The following MEGF6 variants were observed in gnomAD, a reference collection of about 807,000 sequenced individuals.
MEGF6 encodes the protein multiple epidermal growth factor-like domains protein 6.
In MEGF6, 184 loss-of-function variants were observed where a neutral mutation model predicts 207.1. That is an observed-to-expected ratio of 0.89 (90% CI 0.79 to 1.00). The LOEUF is 1.00. Ranked by LOEUF, MEGF6 falls within the 50% of genes least tolerant of loss-of-function variation. The probability of loss-of-function intolerance (pLI) is 0.00; values close to 1 mark genes in which losing one functional copy is unlikely to be tolerated. For synonymous variants in MEGF6, 1,038 were observed against 910.0 expected (o/e 1.14, Z -2.53); for missense variants, 2,282 against 2,202.9 (o/e 1.04, Z -0.72).
chr1:3,578,852 G>C (rs2794343), intron 4 of MEGF6, among the ~76,000 whole-genome samples: 1 of 49,682 alleles, frequency 2.0e-5, no homozygotes, highest in Non-Finnish European at 6.2e-5. Context: ...AGCTCAGAAC[G>C]CTGGGGAGAC....
At chr1:3,586,833 C>T (rs75939298) in intron 3 of MEGF6, among the ~76,000 whole-genome samples, 2,297 of 152,262 alleles carry the variant, frequency 0.015, 58 homozygotes, top group South Asian at 0.096. Flanking sequence ...CTGCCGGGCC[C>T]GCCGGCCTGA....
chr1:3,600,866 G>A (rs532828140), intron 2 of MEGF6, among the ~76,000 whole-genome samples: 1 of 152,314 alleles, frequency 6.6e-6, no homozygotes, highest in East Asian at 1.9e-4. Context: ...AGGAGCGGGG[G>A]CCAGGTGAGA....
intron 4 of MEGF6, among the ~76,000 whole-genome samples, chr1:3,553,232 G>A (rs747997978): frequency 2.0e-5 from 3 of 148,706 alleles, no homozygotes; most frequent in Non-Finnish European, 3.0e-5. Context: ...ATCCACGGCC[G>A]ATCGGCTTTC....
At chr1:3,561,879 T>C (rs924007543) in intron 4 of MEGF6, among the ~76,000 whole-genome samples, 6 of 152,242 alleles carry the variant, frequency 3.9e-5, no homozygotes, top group African/African-American at 1.2e-4. Context: ...GGGCTTTTCG[T>C]TCCCATTTGT....
intron 17 of MEGF6, among the ~76,000 whole-genome samples, chr1:3,502,174 G>C: frequency 1.6e-5 from 1 of 63,222 alleles, no homozygotes; most frequent in South Asian, 4.7e-4. Context: ...GGCCAGGCAG[G>C]TCACAGGAAC....
In MEGF6 at chr1:3,573,043, T is replaced by C. The variant is rs140638662; in HGVS notation, c.481+6782A>G. ...GTTCTCCTGGGTATGCTGAGTTCTC[T>C]TGGGTGTGCTGGGTCCTCCCTGGTG... On this transcript the variant is annotated intron_variant, in intron 4 of 36. Transcript: ENST00000356575. This position sits in a 1 kb window ranked among gnomAD's most constrained non-coding sequence, Gnocchi z 5.1. Among the ~76,000 whole-genome samples the C allele has an allele frequency of 5.3e-3, 731 of 137,440 alleles. 1 individual carries two copies. Among genetic ancestry groups the C allele is most frequent in the Non-Finnish European group, 7.2e-3 (456 of 63,526 alleles). The allele number at this position is 137,440 out of a possible 152,430, so 90.2% of individuals were successfully genotyped here.
intron 5 of MEGF6, among the ~76,000 whole-genome samples, 162 bp downstream of exon 5, chr1:3,523,962 C>T (rs1427138120): frequency 1.3e-5 from 2 of 152,202 alleles, no homozygotes; most frequent in African/African-American, 4.8e-5. Context: ...AAGGTGCGGG[C>T]AGGATTCCAT....
At chr1:3,528,319 C>A (rs1402254225) in intron 4 of MEGF6, among the ~76,000 whole-genome samples, 1 of 152,242 alleles carries the variant, frequency 6.6e-6, no homozygotes, top group Non-Finnish European at 1.5e-5. Flanking sequence ...ACTCCCAAGG[C>A]ACCCCACGTG....
chr1:3,511,680 C>G lies in MEGF6; in HGVS notation c.984G>C (p.Glu328Asp), dbSNP rs942840851. The change falls in exon 9 of 37, where the codon GAG becomes GAC. Residue 328 changes from glutamate (E) to aspartate (D), a missense_variant. Physicochemically the swap from Glu to Asp is conservative, Grantham distance 45. Coordinates refer to ENST00000356575, the MANE Select transcript of MEGF6 (RefSeq NM_001409.4). ...CCTCACAGCTGTTCACGATTTCCAT[C>G]TCAATCCCTGCCGTGAGACCAGCCA... ...GADGRQCYRI[E>D]MEIVNSCEAN... 1 of 1,606,396 alleles carries G rather than the reference C, an allele frequency of 6.2e-7. No homozygotes were observed. The highest frequency in any genetic ancestry group is 8.5e-7 in the Non-Finnish European group (1 of 1,174,560).
chr1:3,551,647 A>G (rs1570120375), intron 4 of MEGF6, among the ~76,000 whole-genome samples: 1 of 152,214 alleles, frequency 6.6e-6, no homozygotes, highest in East Asian at 1.9e-4. Flanking sequence ...CCACAGCCAC[A>G]GGGGACAGGA....
chr1:3,579,765 C>T (rs567012180), intron 4 of MEGF6, 60 bp downstream of exon 4: 100 of 1,267,964 alleles, frequency 7.9e-5, no homozygotes, highest in South Asian at 2.7e-4. Flanking sequence ...GACACATCCT[C>T]GCCCCTTGCC....
rs1439445960 is a variant in MEGF6, at chr1:3,513,659, T to C, written c.853+891A>G. On this transcript the variant is annotated intron_variant, in intron 7 of 36. Coordinates refer to ENST00000356575, the MANE Select transcript of MEGF6 (RefSeq NM_001409.4). ...AGGCTGGAGTGCAGTGGTGTGATCA[T>C]AGCTCACTGCAGCCTTGACCTCCTG... Among the ~76,000 whole-genome samples the C allele has an allele frequency of 3.6e-5, 5 of 138,940 alleles. No homozygotes were observed. In the South Asian group the frequency reaches 9.9e-4, roughly 28 times the overall value. 91.2% of individuals were successfully genotyped at this position (138,940 alleles called of 152,430 possible).
intron 2 of MEGF6, among the ~76,000 whole-genome samples, chr1:3,599,289 G>A (rs1644122720): frequency 6.6e-6 from 1 of 152,250 alleles, no homozygotes; most frequent in Non-Finnish European, 1.5e-5. Context: ...GAGCTCAGGA[G>A]AGGAGGTGTC....
At chr1:3,612,582 A>T (rs559882954), upstream of MEGF6, among the ~76,000 whole-genome samples, 17 of 152,286 alleles carry the variant, frequency 1.1e-4, no homozygotes, top group African/African-American at 4.1e-4. Flanking sequence ...TTAGCCACAC[A>T]AAGAGCCAGC....
chr1:3,492,353 CA>C (rs1256862593), intron 35 of MEGF6, among the ~76,000 whole-genome samples: 1 of 152,174 alleles, frequency 6.6e-6, no homozygotes, highest in Non-Finnish European at 1.5e-5. Context: ...GTTTGCAGCC[CA>C]CCCTTGCAGC....
chr1:3,517,139 T>C (rs1641572118), intron 5 of MEGF6, among the ~76,000 whole-genome samples: 1 of 152,074 alleles, frequency 6.6e-6, no homozygotes, highest in Non-Finnish European at 1.5e-5. Context: ...ACAGCACCCC[T>C]GTCTGGAACA....
rs570692747 is a variant in MEGF6 at position 3,544,576 on chromosome 1, C to T, written c.482-20330G>A. 2.0e-5 allele frequency among the ~76,000 whole-genome samples: 3 copies of T among 152,286 alleles called. No individual in the cohort carries two copies. The East Asian group carries it at 5.8e-4, about 29-fold the overall frequency. On this transcript the variant is annotated intron_variant, in intron 4 of 36. Transcript: ENST00000356575. ...TGGAACAGGCCCCGACACCAGCAGA[C>T]GCTGGCCAGCCTGGGGAGTGCTCCA... is the stretch of plus-strand genomic sequence containing the variant.
chr1:3,621,283 C>T, the MEGF6 span, among the ~76,000 whole-genome samples: 289 of 152,360 alleles, frequency 1.9e-3, no homozygotes, highest in Non-Finnish European at 2.3e-3. Context: ...GACCACGGTC[C>T]GCTTGGTAAC....
chr1:3,564,938 C>T (rs1272361298), intron 4 of MEGF6, among the ~76,000 whole-genome samples: 1 of 152,184 alleles, frequency 6.6e-6, no homozygotes, highest in African/African-American at 2.4e-5. Context: ...CATGGCCCCG[C>T]TCCAGCCGAG....
Sources: gnomAD v4.1 joint callset for allele counts (sites outside exome capture counted in the v4.1 genomes callset) on GRCh38, gnomAD v4.1.1 for gene constraint, Gnocchi (gnomAD v3.1) non-coding constraint, MANE v1.5 for transcripts, NCBI Gene and HGNC (gene_info 2026-07-23, HGNC 2026-07-21) for gene names.